Variants in BAZ2B observed in about 807,000 individuals in gnomAD.
The protein encoded by BAZ2B is bromodomain adjacent to zinc finger domain protein 2B.
Under a neutral mutation model 246.0 loss-of-function variants are expected in BAZ2B, and 91 were observed. That is an observed-to-expected ratio of 0.37 (90% CI 0.31 to 0.44). The LOEUF (loss-of-function observed/expected upper bound fraction) is 0.44, where lower values mean the gene tolerates loss of function less well. Ranked by LOEUF, BAZ2B falls within the 20% of genes least tolerant of loss-of-function variation. BAZ2B has a pLI of 1.00. For missense variants in BAZ2B, 2,332 were observed against 2,533.7 expected (o/e 0.92, Z 1.71); for synonymous variants, 855 against 860.0 (o/e 0.99, Z 0.10).
chr2:159,639,026 C>T, the BAZ2B span, among the ~76,000 whole-genome samples: 1 of 152,038 alleles, frequency 6.6e-6, no homozygotes, highest in East Asian at 1.9e-4. Context: ...CAGCATACAA[C>T]GGAGCTCCAA....
chr2:159,347,345 A>G (rs1264810027), intron 31 of BAZ2B, 141 bp downstream of exon 31: 5 of 1,036,252 alleles, frequency 4.8e-6, no homozygotes, highest in African/African-American at 3.2e-5. Context: ...AGATGGGGCA[A>G]ATTAATCCAG....
At chr2:159,565,868 G>T (rs1275499652) in intron 1 of BAZ2B, among the ~76,000 whole-genome samples, 2 of 149,886 alleles carry the variant, frequency 1.3e-5, no homozygotes, top group African/African-American at 4.9e-5. Context: ...ATAAATATAA[G>T]ACATGAAACT....
chr2:159,689,589 G>C, the BAZ2B span: 1 of 233,662 alleles, frequency 4.3e-6, no homozygotes, highest in Non-Finnish European at 8.2e-6. Context: ...GGCCAGGCTG[G>C]TCTCAAACTC....
chr2:159,473,757 T>G (rs1239917394), intron 3 of BAZ2B, among the ~76,000 whole-genome samples: 1 of 152,238 alleles, frequency 6.6e-6, no homozygotes, highest in African/African-American at 2.4e-5. Context: ...TCTGGTACAT[T>G]GTGTCTTTGT....
chr2:159,511,165 G>GA (rs1262619636), intron 2 of BAZ2B, among the ~76,000 whole-genome samples: 1 of 152,060 alleles, frequency 6.6e-6, no homozygotes, highest in Non-Finnish European at 1.5e-5. Context: ...AACTATTCCA[G>GA]AAAAAATTAA....
chr2:159,484,925 A>G (rs1422308142), intron 2 of BAZ2B, among the ~76,000 whole-genome samples: 1 of 152,200 alleles, frequency 6.6e-6, no homozygotes, highest in African/African-American at 2.4e-5. Flanking sequence ...ACTTTTTTTA[A>G]AGAATGATTT....
intron 2 of BAZ2B, among the ~76,000 whole-genome samples, chr2:159,533,646 A>C (rs1455858532): frequency 6.6e-6 from 1 of 152,204 alleles, no homozygotes; most frequent in African/African-American, 2.4e-5. Context: ...AGAAGAAGAA[A>C]GATTTTCACC....
At chr2:159,513,241 T>C (rs2083105566) in intron 2 of BAZ2B, among the ~76,000 whole-genome samples, 1 of 152,358 alleles carries the variant, frequency 6.6e-6, no homozygotes, top group South Asian at 2.1e-4. Context: ...CTTTGAAATA[T>C]TTTTGTTACT....
At chr2:159,650,696 C>G in the BAZ2B span, among the ~76,000 whole-genome samples, 1 of 152,152 alleles carries the variant, frequency 6.6e-6, no homozygotes, top group African/African-American at 2.4e-5. Flanking sequence ...CACTTCAGTA[C>G]TGCACCCTGT....
intron 21 of BAZ2B, among the ~76,000 whole-genome samples, chr2:159,387,674 T>TA (rs1173766327): frequency 1.3e-5 from 2 of 152,146 alleles, no homozygotes; most frequent in Non-Finnish European, 2.9e-5. Context: ...CATTTCTATG[T>TA]AATTCTAAAA....
intron 25 of BAZ2B, among the ~76,000 whole-genome samples, chr2:159,377,706 G>A (rs565627141): frequency 2.6e-5 from 4 of 151,582 alleles, no homozygotes; most frequent in East Asian, 1.9e-4. Flanking sequence ...CCAGCTACTC[G>A]GGAGGCTGAG....
the BAZ2B span, among the ~76,000 whole-genome samples, chr2:159,648,425 A>G: frequency 5.3e-5 from 8 of 152,144 alleles, no homozygotes; most frequent in Non-Finnish European, 8.8e-5. Flanking sequence ...GGTGTGAGCC[A>G]CTGCCTTCAG....
chr2:159,688,369 C>T, the BAZ2B span, among the ~76,000 whole-genome samples: 15 of 152,190 alleles, frequency 9.9e-5, no homozygotes, highest in Non-Finnish European at 1.9e-4. Context: ...TTTCCATATA[C>T]ATGTTACTCA....
chr2:159,400,491 T>C, intron 17 of BAZ2B, 108 bp downstream of exon 17: 1 of 676,330 alleles, frequency 1.5e-6, no homozygotes, highest in South Asian at 1.9e-5. Flanking sequence ...AAAGAGAATA[T>C]CTGACAAACA....
intron 2 of BAZ2B, 166 bp downstream of exon 2, chr2:159,555,657 T>G (rs2089012545): frequency 7.2e-6 from 1 of 139,496 alleles, no homozygotes; most frequent in African/African-American, 3.0e-5. Flanking sequence ...TTAAAAGTAT[T>G]TAAATAACTA....
the BAZ2B span, among the ~76,000 whole-genome samples, chr2:159,663,855 C>CTTTTTTTTTT: frequency 1.1e-5 from 1 of 92,496 alleles, no homozygotes; most frequent in African/African-American, 4.1e-5. Context: ...AAACCATTTT[C>CTTTTTTTTTT]TTTTTTTTTT....
chr2:159,370,021 G>C (rs1192694100), intron 27 of BAZ2B, among the ~76,000 whole-genome samples: 4 of 152,052 alleles, frequency 2.6e-5, no homozygotes, highest in African/African-American at 9.7e-5. Context: ...TCCTTTGTAG[G>C]GACATGGATG....
chr2:159,569,281 A>C (rs1193493927), intron 1 of BAZ2B, among the ~76,000 whole-genome samples: 3 of 152,234 alleles, frequency 2.0e-5, no homozygotes, highest in South Asian at 4.1e-4. Context: ...ACAGTCTCTG[A>C]AAAAATTATG....
the BAZ2B span, among the ~76,000 whole-genome samples, chr2:159,665,531 C>T: frequency 4.8e-4 from 19 of 39,856 alleles, no homozygotes; most frequent in South Asian, 0.016. Context: ...AGAACAGAGC[C>T]CTCAGAAATA....
Sources: allele counts gnomAD v4.1 joint callset (sites outside exome capture counted in the v4.1 genomes callset), GRCh38; gene constraint gnomAD v4.1.1; transcripts MANE v1.5; gene names NCBI Gene and HGNC (gene_info 2026-07-23, HGNC 2026-07-21).